FMR1NB: variants seen among roughly 807,000 people sequenced by gnomAD.
FMR1NB encodes the protein FMR1 neighbor.
A neutral mutation model predicts 16.8 loss-of-function variants in FMR1NB; 10 were observed. The observed-to-expected ratio is 0.60, with a 90% confidence interval of 0.37 to 1.01. FMR1NB has a LOEUF of 1.01. Ranked by LOEUF, FMR1NB falls within the 50% of genes least tolerant of loss-of-function variation. The pLI is 0.01. For missense variants in FMR1NB, 205 were observed against 204.8 expected (o/e 1.00, Z 0.00); for synonymous variants, 83 against 79.1 (o/e 1.05, Z -0.26).
chrX:148,019,676 T>G (rs1222935832), intron 4 of FMR1NB, among the ~76,000 whole-genome samples: 1 of 112,213 alleles, frequency 8.9e-6, no homozygotes, highest in Admixed American at 9.4e-5. Context: ...TCCTTAATGA[T>G]CTTGGGAAAA....
At chrX:147,997,183 C>T (rs1274864802) in intron 1 of FMR1NB, among the ~76,000 whole-genome samples, 1 of 111,529 alleles carries the variant, frequency 9.0e-6, no homozygotes, top group Non-Finnish European at 1.9e-5. Flanking sequence ...AAGCTGGAGG[C>T]ATCACACTAC....
intron 1 of FMR1NB, among the ~76,000 whole-genome samples, chrX:147,994,729 A>G (rs1372692953): frequency 1.8e-5 from 2 of 112,353 alleles, no homozygotes; most frequent in African/African-American, 6.5e-5. Flanking sequence ...TTTTTCCATT[A>G]TAGGTCTAAC....
chrX:148,018,060 T>C lies in FMR1NB; in HGVS notation c.633-6805T>C, dbSNP rs1439066781. On this transcript the variant is annotated intron_variant, in intron 4 of 5. Coordinates refer to ENST00000370467, the MANE Select transcript of FMR1NB (RefSeq NM_152578.3). ...AGTCCTTTGGGTATATACCCAGTAA[T>C]GGGATGGCTGGGTCAAATGGTATTT... 3.7e-5 allele frequency among the ~76,000 whole-genome samples: 4 copies of C among 107,977 alleles called. No individual in the cohort carries two copies. The East Asian group carries it at 1.2e-3, about 31-fold the overall frequency. The allele number at this position is 107,977 out of a possible 115,157, so 93.8% of individuals were successfully genotyped here.
intron 4 of FMR1NB, among the ~76,000 whole-genome samples, chrX:148,022,570 A>T (rs2044684894): frequency 8.9e-6 from 1 of 111,903 alleles, no homozygotes; most frequent in Admixed American, 9.5e-5. Context: ...GTCATGATAT[A>T]TGACACTTTA....
At chrX:147,996,181 A>T (rs782238260) in intron 1 of FMR1NB, among the ~76,000 whole-genome samples, 6 of 112,221 alleles carry the variant, frequency 5.3e-5, no homozygotes, top group Non-Finnish European at 1.1e-4. Flanking sequence ...ATAAAAATAA[A>T]TATCCTGAAA....
rs144554215 is a variant in FMR1NB at position 148,022,192 on chromosome X, C to A, written c.633-2673C>A. 4.0e-3 allele frequency among the ~76,000 whole-genome samples: 441 copies of A among 111,396 alleles called. 1 individual carries two copies. The highest frequency in any genetic ancestry group is 0.014 in the African/African-American group (429 of 30,607). On this transcript the variant is annotated intron_variant, in intron 4 of 5. Coordinates refer to ENST00000370467, the MANE Select transcript of FMR1NB (RefSeq NM_152578.3). ...TAAAGTGTATCTGCTGACTGAAATG[C>A]TCTTATGCATCTCCCCACCTCCACT... is the stretch of plus-strand genomic sequence containing the variant.
intron 1 of FMR1NB, among the ~76,000 whole-genome samples, chrX:147,989,982 C>G (rs1046006661): frequency 2.3e-4 from 25 of 109,202 alleles, no homozygotes; most frequent in African/African-American, 8.3e-4. Context: ...CTTCAGCCCC[C>G]TTTCCAGGGG....
At chrX:147,999,544 T>TC (rs2044560537) in intron 1 of FMR1NB, among the ~76,000 whole-genome samples, 2 of 111,315 alleles carry the variant, frequency 1.8e-5, no homozygotes, top group African/African-American at 6.5e-5. Flanking sequence ...TTTTTTTTTT[T>TC]TCCACTTAAA....
rs146154010 is a variant in FMR1NB, at chrX:147,981,609, T to C, written c.207T>C (p.Phe69=). The C allele has an allele frequency of 1.5e-5, 18 of 1,208,007 alleles. No homozygotes were observed. The highest frequency in any genetic ancestry group is 3.5e-5 in the African/African-American group (2 of 56,548). The change falls in exon 1 of 6, where the codon TTT becomes TTC. Residue 69 remains phenylalanine, a synonymous_variant. Coordinates refer to ENST00000370467, the MANE Select transcript of FMR1NB (RefSeq NM_152578.3). ...TAAAGATGCGGGTCAGCAAACCCTT[T>C]GGGATGCTCATGCTCTCCATTTGGA... The part of the protein sequence containing the change: ...ESLKMRVSKP[F]GMLMLSIWIL...
chrX:148,010,182 C>T (rs1449497875), intron 4 of FMR1NB, among the ~76,000 whole-genome samples: 1 of 112,152 alleles, frequency 8.9e-6, no homozygotes, highest in Non-Finnish European at 1.9e-5. Context: ...GTACAGACTG[C>T]TTGAGAAACA....
At chrX:148,017,399 AT>A (rs1217913298) in intron 4 of FMR1NB, among the ~76,000 whole-genome samples, 1 of 110,674 alleles carries the variant, frequency 9.0e-6, no homozygotes, top group Non-Finnish European at 1.9e-5. Context: ...GTACTTGTAT[AT>A]TGATATCTTT....
At position 148,003,266 on chromosome X, in the gene FMR1NB, T is replaced by C. The variant is rs2044580166; in HGVS notation, c.343T>C (p.Ser115Pro). The change falls in exon 2 of 6, where the codon TCT (serine) becomes CCT (proline). Residue 115 changes from serine to proline, a missense_variant. By Grantham distance (74) the Ser-to-Pro change is moderately conservative. Coordinates refer to ENST00000370467, the MANE Select transcript of FMR1NB (RefSeq NM_152578.3). ...CAACAGTGAAAATGCTCATGGCCAA[T>C]CTCTGGAAGAAGATTCCGCATTGGA... is the stretch of plus-strand genomic sequence containing the variant. Reference protein sequence around the residue: ...LPNSENAHGQSLEEDSALEAL... With the variant: ...LPNSENAHGQPLEEDSALEAL... 1.7e-6 allele frequency: 2 copies of C among 1,209,585 alleles called. No individual in the cohort carries two copies. The highest frequency in any genetic ancestry group is 1.7e-5 in the African/African-American group (1 of 57,328).
At chrX:148,022,565 G>A (rs1341597114) in intron 4 of FMR1NB, among the ~76,000 whole-genome samples, 2 of 111,808 alleles carry the variant, frequency 1.8e-5, no homozygotes, top group Admixed American at 1.9e-4. Flanking sequence ...TGCTGGTCAT[G>A]ATATATGACA....
chrX:148,002,004 TATTTAA>T (rs1437978079), intron 1 of FMR1NB, among the ~76,000 whole-genome samples: 1 of 111,102 alleles, frequency 9.0e-6, no homozygotes, highest in Non-Finnish European at 1.9e-5. Context: ...GTGTATTAAA[TATTTAA>T]ATTTAAAAAG....
At chrX:148,000,624 A>G (rs966596221) in intron 1 of FMR1NB, among the ~76,000 whole-genome samples, 2 of 112,248 alleles carry the variant, frequency 1.8e-5, no homozygotes, top group African/African-American at 6.5e-5. Context: ...ATGGCAGTAA[A>G]TATTAAAAGG....
chrX:147,999,533 C>CCT (rs1557188489), intron 1 of FMR1NB, among the ~76,000 whole-genome samples: 14,177 of 104,713 alleles, frequency 0.14, 1,207 homozygotes, highest in African/African-American at 0.32. Context: ...TACTTCTAGT[C>CCT]TTTTTTTTTT....
rs782003415 is a variant in FMR1NB at position 147,981,645 on chromosome X, C to G, written c.243C>G (p.Phe81Leu). ...TGCTCTCCATTTGGATCCTGCTGTTCGTGTGCTACTACCTGTCCTACTACC... is the reference window on the plus strand; with the variant it reads ...TGCTCTCCATTTGGATCCTGCTGTTGGTGTGCTACTACCTGTCCTACTACC... ...MLMLSIWILL[F>L]VCYYLSYYLC... Residue 81 changes from phenylalanine to leucine, a missense_variant, in exon 1 of 6, where the codon TTC (phenylalanine) becomes TTG (leucine). Coordinates refer to ENST00000370467, the MANE Select transcript of FMR1NB (RefSeq NM_152578.3). The G allele has an allele frequency of 7.1e-6, 8 of 1,127,841 alleles. No individual in the cohort carries two copies. Among genetic ancestry groups the G allele is most frequent in the Non-Finnish European group, 9.5e-6 (8 of 844,475 alleles). The allele number at this position is 1,127,841 out of a possible 1,213,427, so 92.9% of individuals were successfully genotyped here. A position where few individuals can be genotyped will look rare whatever the true frequency, so the allele number is the denominator to read the frequency against.
chrX:148,007,535 C>T (rs1471882184), intron 3 of FMR1NB, among the ~76,000 whole-genome samples: 5 of 112,086 alleles, frequency 4.5e-5, no homozygotes, highest in Admixed American at 3.8e-4. Flanking sequence ...AGCAGTTCTT[C>T]TGCCTCGGCC....
chrX:148,009,771 A>G (rs1328623630), intron 4 of FMR1NB, among the ~76,000 whole-genome samples: 1 of 111,770 alleles, frequency 8.9e-6, no homozygotes, highest in Non-Finnish European at 1.9e-5. Context: ...GTTAATGTGG[A>G]AGTAGTAGTT....
Sources: allele counts gnomAD v4.1 joint callset (sites outside exome capture counted in the v4.1 genomes callset), GRCh38; gene constraint gnomAD v4.1.1; transcripts MANE v1.5; gene names NCBI Gene and HGNC (gene_info 2026-07-23, HGNC 2026-07-21).